The following RIMBP2 variants were observed in gnomAD, a reference collection of about 807,000 sequenced individuals.
RIMBP2 encodes RIMS-binding protein 2.
RIMBP2 carries 48 observed loss-of-function variants against 118.6 expected under a neutral mutation model. That is an observed-to-expected ratio of 0.40 (90% CI 0.32 to 0.51). The LOEUF (loss-of-function observed/expected upper bound fraction) is 0.51, where lower values mean the gene tolerates loss of function less well. Among genes scored for constraint, RIMBP2 ranks in the 20% least tolerant of loss-of-function variants. The pLI is 0.41. For synonymous variants in RIMBP2, 762 were observed against 742.9 expected (o/e 1.03, Z -0.42); for missense variants, 1,551 against 1,768.3 (o/e 0.88, Z 2.20).
Position 130,414,311 on chromosome 12 carries a change from G to A in RIMBP2, c.3239-5C>T, listed in dbSNP as rs371239879. On this transcript the variant is annotated splice_region_variant and splice_polypyrimidine_tract_variant and intron_variant, in intron 17 of 22. Coordinates refer to ENST00000690449, the MANE Select transcript of RIMBP2 (RefSeq NM_001393629.1). ...GGCGGTCTCGCCCGTAATCGTCTGC[G>A]AGCAAGTGGGGGTGAAGAACAGAGC... 5.3e-5 allele frequency: 84 copies of A among 1,573,900 alleles called. No individual in the cohort carries two copies. Among genetic ancestry groups the A allele is most frequent in the Admixed American group, 8.9e-5 (5 of 56,464 alleles).
chr12:130,589,740 TTAAG>T (rs1416299851), intron 2 of RIMBP2, among the ~76,000 whole-genome samples: 2 of 152,202 alleles, frequency 1.3e-5, no homozygotes, highest in Non-Finnish European at 2.9e-5. Flanking sequence ...AAATTAAAAA[TTAAG>T]TATTTTTAAT....
rs2078909991 is a variant in RIMBP2 at position 130,450,507 on chromosome 12, G to C, written c.505-231C>G. ...CATAGGCCCCCTCTGTGTTTGTAGA[G>C]AACCCAGTCCCCAAACAGGAAGGTA... On this transcript the variant is annotated intron_variant, in intron 8 of 22. Coordinates refer to ENST00000690449, the MANE Select transcript of RIMBP2 (RefSeq NM_001393629.1). This position sits in a 1 kb window ranked among gnomAD's most constrained non-coding sequence, Gnocchi z 4.8. Among the ~76,000 whole-genome samples the C allele has an allele frequency of 6.6e-6, 1 of 151,934 alleles. No homozygotes were observed. The highest frequency in any genetic ancestry group is 2.4e-5 in the African/African-American group (1 of 41,350).
At chr12:130,669,634 C>T (rs938562862) in intron 1 of RIMBP2, among the ~76,000 whole-genome samples, 5 of 152,200 alleles carry the variant, frequency 3.3e-5, no homozygotes, top group African/African-American at 1.2e-4. Context: ...TGAGGCCTCC[C>T]CAGCCATGTG....
At chr12:130,535,877 C>T (rs2054034792) in intron 2 of RIMBP2, among the ~76,000 whole-genome samples, 1 of 151,602 alleles carries the variant, frequency 6.6e-6, no homozygotes, top group East Asian at 1.9e-4. Flanking sequence ...CTCCTGGGCT[C>T]AGGTGATCCT....
At chr12:130,664,670 C>T (rs2063842961) in intron 1 of RIMBP2, among the ~76,000 whole-genome samples, 1 of 151,712 alleles carries the variant, frequency 6.6e-6, no homozygotes, top group Non-Finnish European at 1.5e-5. Flanking sequence ...GTTGATCCTA[C>T]AGCATCTCAT....
At chr12:130,481,417 C>A (rs937887355) in intron 4 of RIMBP2, among the ~76,000 whole-genome samples, 1 of 152,116 alleles carries the variant, frequency 6.6e-6, no homozygotes, top group Non-Finnish European at 1.5e-5. Flanking sequence ...AGTCTTCCTC[C>A]CGGCCCGTGT....
intron 3 of RIMBP2, among the ~76,000 whole-genome samples, chr12:130,508,941 T>G (rs2050626138): frequency 6.6e-6 from 1 of 152,150 alleles, no homozygotes; most frequent in Non-Finnish European, 1.5e-5. Context: ...CTTTGTGTCC[T>G]GAGAGGCTCA....
At chr12:130,438,784 G>C (rs1312337325) in intron 11 of RIMBP2, among the ~76,000 whole-genome samples, 2 of 152,092 alleles carry the variant, frequency 1.3e-5, no homozygotes, top group Admixed American at 6.5e-5. Flanking sequence ...AACCTAAACT[G>C]TCTGTGGAAC....
At chr12:130,539,284 T>G (rs548123232) in intron 2 of RIMBP2, among the ~76,000 whole-genome samples, 1 of 152,218 alleles carries the variant, frequency 6.6e-6, no homozygotes, top group Non-Finnish European at 1.5e-5. Context: ...ATATACTATG[T>G]TTATATAATA....
Position 130,456,523 on chromosome 12 carries a change from T to A in RIMBP2, c.331A>T (p.Asn111Tyr). 6.2e-7 allele frequency: 1 copy of A among 1,604,548 alleles called. No individual in the cohort carries two copies. Among genetic ancestry groups the A allele is most frequent in the Non-Finnish European group, 8.5e-7 (1 of 1,172,810 alleles). ...TTGCCGAGGGAGGTGGCTAGGCCAT[T>A]CATGAACTGTGGGAAAGGCTTGCTG... is the stretch of plus-strand genomic sequence containing the variant. The part of the protein sequence containing the change: ...APSKPFPQFM[N>Y]GLATSLGKGQ... The change falls in exon 7 of 23, where the codon AAT becomes TAT. Residue 111 changes from asparagine (N) to tyrosine (Y), a missense_variant. This residue lies in a region of RIMBP2 where 239 missense variants were observed against 256.8 expected (regional missense o/e 0.93). Coordinates refer to ENST00000690449, the MANE Select transcript of RIMBP2 (RefSeq NM_001393629.1).
chr12:130,410,862 AC>A (rs1326666177), intron 19 of RIMBP2, among the ~76,000 whole-genome samples: 1 of 152,184 alleles, frequency 6.6e-6, no homozygotes, highest in African/African-American at 2.4e-5. Context: ...CTCTCCATAT[AC>A]ATTTTAGAAT....
rs530240590 is a variant in RIMBP2, at chr12:130,523,521, G to A, written c.-216-5604C>T. ...TCAAGGGCTCGTCAAGGAAGAAACT[G>A]GGTCTTCTGAAGACACCCCCTTCCC... On this transcript the variant is annotated intron_variant, in intron 2 of 22. Coordinates refer to ENST00000690449, the MANE Select transcript of RIMBP2 (RefSeq NM_001393629.1). The surrounding 1 kb of genome is among the most constrained non-coding windows in gnomAD (Gnocchi z 4.4). Among the ~76,000 whole-genome samples the A allele has an allele frequency of 6.6e-6, 1 of 152,304 alleles. No individual in the cohort carries two copies. Among genetic ancestry groups the A allele is most frequent in the South Asian group, 2.1e-4 (1 of 4,824 alleles).
At chr12:130,433,925 C>T (rs973373097) in intron 14 of RIMBP2, among the ~76,000 whole-genome samples, 12 of 152,310 alleles carry the variant, frequency 7.9e-5, no homozygotes, top group East Asian at 1.9e-4. Context: ...TTGGGCATTC[C>T]GTTTCTGAAC....
At chr12:130,630,149 C>G (rs1328999870) in intron 1 of RIMBP2, among the ~76,000 whole-genome samples, 2 of 151,656 alleles carry the variant, frequency 1.3e-5, no homozygotes, top group Non-Finnish European at 1.5e-5. Flanking sequence ...AGATATGTCC[C>G]AAAGTGCTAG....
Position 130,623,596 on chromosome 12 carries a change from AG to A in RIMBP2, c.-217+4725del, listed in dbSNP as rs1254899777. Among the ~76,000 whole-genome samples, 1 of 152,184 alleles carries A rather than the reference AG, an allele frequency of 6.6e-6. No individual in the cohort carries two copies. Among genetic ancestry groups the A allele is most frequent in the Admixed American group, 6.5e-5 (1 of 15,282 alleles). On this transcript the variant is annotated intron_variant, in intron 2 of 22. Transcript: ENST00000690449. This position sits in a 1 kb window ranked among gnomAD's most constrained non-coding sequence, Gnocchi z 4.1. Reference sequence around the variant, plus strand: ...GCACAATTGTTCATCAACAGCAGCAAGTGCCTTCAGTGGGCATAAGCTGCCT... The same window carrying A: ...GCACAATTGTTCATCAACAGCAGCAATGCCTTCAGTGGGCATAAGCTGCCT...
chr12:130,597,504 G>T (rs960029974), intron 2 of RIMBP2, among the ~76,000 whole-genome samples: 1 of 152,214 alleles, frequency 6.6e-6, no homozygotes, highest in African/African-American at 2.4e-5. Flanking sequence ...GTCTCCCAAA[G>T]TGCTGGGATT....
At chr12:130,691,456 G>A (rs1032726572) in intron 1 of RIMBP2, among the ~76,000 whole-genome samples, 1 of 152,150 alleles carries the variant, frequency 6.6e-6, no homozygotes, top group Non-Finnish European at 1.5e-5. Context: ...GATCACTTGA[G>A]CCCAAAAGTT....
At chr12:130,713,790 T>TTTGG (rs1470514532) in intron 1 of RIMBP2, among the ~76,000 whole-genome samples, 1 of 152,126 alleles carries the variant, frequency 6.6e-6, no homozygotes, top group Non-Finnish European at 1.5e-5. Flanking sequence ...GTCCCTGAGG[T>TTTGG]TTGGCACTTG....
intron 2 of RIMBP2, among the ~76,000 whole-genome samples, chr12:130,528,260 C>T (rs10773790): frequency 0.44 from 67,258 of 152,058 alleles, 15,437 homozygotes; most frequent in Admixed American, 0.51. Context: ...GAATACTATG[C>T]AGCCATAAAA....
Sources: allele counts gnomAD v4.1 joint callset (sites outside exome capture counted in the v4.1 genomes callset), GRCh38; gene constraint gnomAD v4.1.1; regional missense constraint gnomAD v4.1.1; non-coding constraint Gnocchi (gnomAD v3.1); transcripts MANE v1.5; gene names NCBI Gene and HGNC (gene_info 2026-07-23, HGNC 2026-07-21).